ZNF254: variants seen among roughly 807,000 people sequenced by gnomAD.
ZNF254 encodes the protein zinc finger protein 254.
A neutral mutation model predicts 12.4 loss-of-function variants in ZNF254; 10 were observed. That is an observed-to-expected ratio of 0.80 (90% confidence interval 0.50 to 1.36). ZNF254 has a LOEUF of 1.36. Among genes scored for constraint, ZNF254 ranks in the 40% most tolerant of loss-of-function variants. ZNF254 has a pLI of 0.00. For missense variants in ZNF254, 996 were observed against 763.9 expected, an observed-to-expected ratio of 1.30 and a Z score of -3.58; for synonymous variants, 305 against 253.4, an observed-to-expected ratio of 1.20 and a Z score of -1.93.
At chr19:24,077,973 G>T (rs1039480431) in intron 2 of ZNF254, among the ~76,000 whole-genome samples, 2 of 152,236 alleles carry the variant, frequency 1.3e-5, no homozygotes, top group Non-Finnish European at 2.9e-5. Flanking sequence ...GCTCTGTGAG[G>T]TCTGCACAAT....
intron 2 of ZNF254, among the ~76,000 whole-genome samples, chr19:24,059,540 A>G (rs1234313145): frequency 6.6e-6 from 1 of 152,090 alleles, no homozygotes; most frequent in Non-Finnish European, 1.5e-5. Context: ...ACTGCTTGGA[A>G]TATTCCCAAA....
intron 3 of ZNF254, among the ~76,000 whole-genome samples, chr19:24,125,629 G>A (rs914029970): frequency 3.3e-5 from 5 of 152,076 alleles, no homozygotes; most frequent in Admixed American, 3.3e-4. Context: ...GATATGTGTT[G>A]TCTGAAATTT....
intron 2 of ZNF254, among the ~76,000 whole-genome samples, chr19:24,082,135 A>G (rs925724812): frequency 2.6e-5 from 4 of 152,030 alleles, no homozygotes; most frequent in Admixed American, 6.6e-5. Flanking sequence ...AAAGAAAAAA[A>G]AAAAAAGATA....
intron 3 of ZNF254, among the ~76,000 whole-genome samples, chr19:24,112,624 A>C (rs911218667): frequency 6.6e-6 from 1 of 151,356 alleles, no homozygotes. Context: ...CTTTTATTTC[A>C]TTGAGCAGTG....
chr19:24,106,142 T>G (rs1973329491), intron 2 of ZNF254, 76 bp downstream of exon 2: 3 of 1,470,980 alleles, frequency 2.0e-6, no homozygotes, highest in Non-Finnish European at 9.1e-7. Flanking sequence ...TTCTGGTAAT[T>G]TACGCATTCA....
At position 24,126,602 on chromosome 19, in the gene ZNF254, A is replaced by G. The variant is rs1194935413; in HGVS notation, c.602A>G (p.Lys201Arg). The G allele has an allele frequency of 1.2e-6, 2 of 1,604,288 alleles. No individual in the cohort carries two copies. Among genetic ancestry groups the G allele is most frequent in the African/African-American group, 1.3e-5 (1 of 74,214 alleles). Residue 201 changes from lysine to arginine, a missense_variant, in exon 4 of 4, where the codon AAA (lysine) becomes AGA (arginine). By Grantham distance (26) the Lys-to-Arg change is conservative. Coordinates refer to ENST00000357002, the MANE Select transcript of ZNF254 (RefSeq NM_203282.4). ...FCMLSHKTQH[K>R]SIYHREKSYK... is the part of the protein sequence containing the mutation. ...ATGCTTTCACATAAAACCCAACACA[A>G]AAGCATTTATCATAGAGAGAAGTCC...
chr19:24,071,518 C>T (rs570748081), intron 2 of ZNF254, among the ~76,000 whole-genome samples: 21 of 152,162 alleles, frequency 1.4e-4, no homozygotes, highest in South Asian at 4.1e-4. Flanking sequence ...CTAGGTTATG[C>T]GACTTTTCTC....
chr19:24,043,664 A>C (rs1165413538), intron 1 of ZNF254, among the ~76,000 whole-genome samples: 1 of 152,210 alleles, frequency 6.6e-6, no homozygotes, highest in African/African-American at 2.4e-5. Context: ...AGGAAACACA[A>C]AAAAGCATGC....
At position 24,127,383 on chromosome 19, in the gene ZNF254, C is replaced by G. The variant is rs1450100115; in HGVS notation, c.1383C>G (p.Pro461=). The G allele has an allele frequency of 1.9e-6, 3 of 1,611,980 alleles. No homozygotes were observed. Among genetic ancestry groups the G allele is most frequent in the Non-Finnish European group, 2.5e-6 (3 of 1,178,682 alleles). ...KHKRIHTREK[P]YKCEECGKAF... ...AGAGAATTCATACTAGAGAGAAACC[C>G]TACAAATGTGAAGAATGTGGCAAGG... is the stretch of plus-strand genomic sequence containing the variant. Residue 461 remains proline (P), a synonymous_variant, in exon 4 of 4, where the codon CCC becomes CCG. Transcript: ENST00000357002.
intron 3 of ZNF254, among the ~76,000 whole-genome samples, chr19:24,107,596 A>G (rs546786643): frequency 2.6e-4 from 40 of 151,842 alleles, no homozygotes; most frequent in Non-Finnish European, 5.1e-4. Context: ...CTCTATATAC[A>G]TATATATATG....
intron 2 of ZNF254, among the ~76,000 whole-genome samples, chr19:24,058,879 G>C (rs961759887): frequency 3.9e-5 from 6 of 152,186 alleles, no homozygotes; most frequent in African/African-American, 1.4e-4. Flanking sequence ...TTTAGGTTCT[G>C]CCTGCAGGAG....
intron 2 of ZNF254, among the ~76,000 whole-genome samples, chr19:24,055,118 G>T (rs1970791463): frequency 7.3e-6 from 1 of 136,642 alleles, no homozygotes; most frequent in South Asian, 2.5e-4. Flanking sequence ...CAGGAGAATT[G>T]CTTCAACCCG....
rs933633562 is a variant in ZNF254 at position 24,048,132 on chromosome 19, C to A, written c.-94+1853C>A. On this transcript the variant is annotated intron_variant, in intron 2 of 4. Transcript: ENST00000613065. ...CTCCACACGTGGCCTGCAGGGTGGA[C>A]CTAGTGGCTTCCTGGTCACACCATC... 4.1e-5 allele frequency among the ~76,000 whole-genome samples: 6 copies of A among 147,278 alleles called. No homozygotes were observed. In the East Asian group the frequency reaches 6.1e-4, roughly 15 times the overall value.
intron 3 of ZNF254, among the ~76,000 whole-genome samples, chr19:24,115,416 A>C (rs1363425802): frequency 2.6e-5 from 4 of 151,692 alleles, no homozygotes; most frequent in African/African-American, 9.7e-5. Flanking sequence ...TCAGTAAACT[A>C]TCGCAAGAAC....
At position 24,122,098 on chromosome 19, in the gene ZNF254, C is replaced by T. The variant is rs1416283992; in HGVS notation, c.254-4156C>T. On this transcript the variant is annotated intron_variant, in intron 3 of 3. Transcript: ENST00000357002. The stretch of plus-strand genomic sequence containing the variant: ...ACTTGTCAAAAAAATAACAAATTTA[C>T]CACAAAATATTTTTAAATATTCAGT... Among the ~76,000 whole-genome samples the T allele has an allele frequency of 2.0e-5, 3 of 152,110 alleles. No individual in the cohort carries two copies. The East Asian group carries it at 5.8e-4, about 29-fold the overall frequency.
intron 2 of ZNF254, among the ~76,000 whole-genome samples, chr19:24,053,862 G>C (rs1970740305): frequency 6.6e-6 from 1 of 152,168 alleles, no homozygotes; most frequent in South Asian, 2.1e-4. Context: ...CAGCATCTAG[G>C]TGATGTGATT....
chr19:24,085,071 A>G (rs1300932701), upstream of ZNF254, among the ~76,000 whole-genome samples: 1 of 151,288 alleles, frequency 6.6e-6, no homozygotes, highest in Non-Finnish European at 1.5e-5. Context: ...AGCTGGGACT[A>G]CAGGCACGCG....
At chr19:24,076,357 C>G (rs1971659351) in intron 2 of ZNF254, among the ~76,000 whole-genome samples, 1 of 152,222 alleles carries the variant, frequency 6.6e-6, no homozygotes, top group Non-Finnish European at 1.5e-5. Context: ...CAGCCAGTCC[C>G]TCCGTTTGGG....
chr19:24,054,549 A>G (rs993506057), intron 2 of ZNF254, among the ~76,000 whole-genome samples: 5 of 152,214 alleles, frequency 3.3e-5, no homozygotes, highest in Admixed American at 3.3e-4. Context: ...GGCACACAGC[A>G]CAAAGGTGAG....
Sources: gnomAD v4.1 joint callset for allele counts (sites outside exome capture counted in the v4.1 genomes callset) on GRCh38, gnomAD v4.1.1 for gene constraint, MANE v1.5 for transcripts, NCBI Gene and HGNC (gene_info 2026-07-23, HGNC 2026-07-21) for gene names.